Variants in FZD3 observed in about 807,000 individuals in gnomAD.
FZD3 encodes the protein frizzled-3.
FZD3 carries 30 observed loss-of-function variants against 60.7 expected under a neutral mutation model. The observed-to-expected ratio is 0.49, with a 90% CI of 0.37 to 0.67. The LOEUF is 0.67. Ranked by LOEUF, FZD3 falls within the 30% of genes least tolerant of loss-of-function variation. The probability of loss-of-function intolerance (pLI) is 0.00; values close to 1 mark genes in which losing one functional copy is unlikely to be tolerated. For synonymous variants in FZD3, 246 were observed against 275.2 expected (o/e 0.89, Z 1.05); for missense variants, 605 against 838.7 (o/e 0.72, Z 3.44).
At chr8:28,500,721 G>T (rs886400563) in intron 2 of FZD3, among the ~76,000 whole-genome samples, 15 of 152,002 alleles carry the variant, frequency 9.9e-5, no homozygotes, top group Non-Finnish European at 2.9e-5. Context: ...GCGCTGCATG[G>T]TAATTAAGAT....
intron 5 of FZD3, among the ~76,000 whole-genome samples, chr8:28,538,517 G>T (rs1374505711): frequency 1.3e-5 from 2 of 152,138 alleles, no homozygotes; most frequent in Non-Finnish European, 2.9e-5. Context: ...CATACAGTAA[G>T]TTACAGAGCT....
rs188741309 is a variant in FZD3, at chr8:28,517,396, C to T, written c.190-3242C>T. 3.4e-3 allele frequency among the ~76,000 whole-genome samples: 513 copies of T among 152,258 alleles called. 11 individuals are homozygous for T. Among genetic ancestry groups the T allele is most frequent in the South Asian group, 3.9e-3 (19 of 4,828 alleles). On this transcript the variant is annotated intron_variant, in intron 3 of 7. Coordinates refer to ENST00000240093, the MANE Select transcript of FZD3 (RefSeq NM_017412.4). ...GGTTTTCAACCGTTTAAATAAGATA[C>T]GCCTAGCTGAGGTTTTCTTGTATTT...
chr8:28,550,632 C>T (rs1189319585), intron 5 of FZD3, among the ~76,000 whole-genome samples: 1 of 151,838 alleles, frequency 6.6e-6, no homozygotes, highest in Admixed American at 6.6e-5. Context: ...CCTGGGACTA[C>T]AGGTGCCTGC....
chr8:28,562,220 T>C lies in FZD3; in HGVS notation c.1788-578T>C, dbSNP rs115791790. ...CCTGATGAGAAGTAATTAAGATAAT[T>C]TACAGGTAGTTAATTCAGTTGTTAA... On this transcript the variant is annotated intron_variant, in intron 7 of 7. Coordinates refer to ENST00000240093, the MANE Select transcript of FZD3 (RefSeq NM_017412.4). Among the ~76,000 whole-genome samples the C allele has an allele frequency of 8.7e-3, 1,325 of 152,304 alleles. 7 individuals are homozygous for C. Among genetic ancestry groups the C allele is most frequent in the African/African-American group, 0.019 (774 of 41,574 alleles).
Position 28,533,674 on chromosome 8 carries a change from A to C in FZD3, c.1404+5510A>C, listed in dbSNP as rs140391005. ...TCCCTGGGTTTTTGTTCTTCACAGA[A>C]AGGTCCCCTCACAAAGCTGATGGAA... On this transcript the variant is annotated intron_variant, in intron 5 of 7. Coordinates refer to ENST00000240093, the MANE Select transcript of FZD3 (RefSeq NM_017412.4). 2.4e-4 allele frequency among the ~76,000 whole-genome samples: 37 copies of C among 152,264 alleles called. No homozygotes were observed. In the East Asian group the frequency reaches 4.2e-3, roughly 17 times the overall value.
intron 7 of FZD3, among the ~76,000 whole-genome samples, chr8:28,561,090 C>T (rs982023976): frequency 6.6e-6 from 1 of 152,124 alleles, no homozygotes; most frequent in Non-Finnish European, 1.5e-5. Context: ...GAGTTTCGCT[C>T]TTGTCACCCA....
chr8:28,551,630 AT>A lies in FZD3; in HGVS notation c.1434del (p.Leu479SerfsTer3). ...TACTCAAATGAGTCGTCCAGACTTGATTCTCTTTCTGATGAAATACCTGATG... is the reference window on the plus strand; with the variant it reads ...TACTCAAATGAGTCGTCCAGACTTGATCTCTTTCTGATGAAATACCTGATG... ...QVTQMSRPDL[I>X]LFLMKYLMAL... On this transcript the variant is annotated frameshift_variant, in exon 6 of 8. Transcript: ENST00000240093. LOFTEE classifies it high-confidence loss of function. 6.2e-7 allele frequency: 1 copy of A among 1,610,386 alleles called. No homozygotes were observed. The highest frequency in any genetic ancestry group is 8.5e-7 in the Non-Finnish European group (1 of 1,177,126).
chr8:28,555,002 TTCA>T (rs1267035131), intron 6 of FZD3, among the ~76,000 whole-genome samples: 3 of 152,172 alleles, frequency 2.0e-5, no homozygotes, highest in Non-Finnish European at 4.4e-5. Flanking sequence ...TACTGCCTTG[TTCA>T]TCATCGTAAA....
In FZD3 at chr8:28,528,007, A is replaced by G; in HGVS notation, c.1247A>G (p.Lys416Arg). ...LEKENQDKLV[K>R]FMIRIGVFSI... ...AAGGAGAACCAAGATAAATTAGTGA[A>G]GTTTATGATCCGGATCGGTGTTTTC... Residue 416 changes from lysine to arginine, a missense_variant, in exon 5 of 8, where the codon AAG becomes AGG. Physicochemically the swap from Lys to Arg is conservative, Grantham distance 26. Transcript: ENST00000240093. 1 of 1,613,996 alleles carries G rather than the reference A, an allele frequency of 6.2e-7. No homozygotes were observed. The highest frequency in any genetic ancestry group is 1.1e-5 in the South Asian group (1 of 91,078).
intron 1 of FZD3, among the ~76,000 whole-genome samples, chr8:28,497,589 A>G (rs986088479): frequency 1.3e-5 from 2 of 152,226 alleles, no homozygotes; most frequent in Non-Finnish European, 2.9e-5. Flanking sequence ...TTACTTTGAA[A>G]CAACCTTTAG....
At chr8:28,546,605 C>T (rs998583990) in intron 5 of FZD3, among the ~76,000 whole-genome samples, 1 of 152,042 alleles carries the variant, frequency 6.6e-6, no homozygotes, top group Non-Finnish European at 1.5e-5. Flanking sequence ...AATGCCCCAC[C>T]CAGCACTTAT....
At chr8:28,530,129 G>GTC (rs1804828052) in intron 5 of FZD3, among the ~76,000 whole-genome samples, 1 of 118,440 alleles carries the variant, frequency 8.4e-6, no homozygotes, top group South Asian at 2.8e-4. Flanking sequence ...GTGTGTGTGT[G>GTC]TGTGTGTGTG....
At chr8:28,506,851 TA>T (rs1302175698) in intron 3 of FZD3, among the ~76,000 whole-genome samples, 1 of 152,126 alleles carries the variant, frequency 6.6e-6, no homozygotes, top group Non-Finnish European at 1.5e-5. Context: ...AGCTTTTTAC[TA>T]AAAAACTTTA....
intron 6 of FZD3, among the ~76,000 whole-genome samples, chr8:28,554,930 A>G (rs558184834): frequency 6.6e-6 from 1 of 152,238 alleles, no homozygotes; most frequent in East Asian, 1.9e-4. Context: ...TAAGTCCTTT[A>G]TTTACATAAT....
At position 28,522,767 on chromosome 8, in the gene FZD3, CTTTTTTTTTTT is replaced by C. The variant is rs35662589; in HGVS notation, c.386+1944_386+1954del. The stretch of plus-strand genomic sequence containing the variant: ...CTTAAATTCTGAAAAAGGGAACTTT[CTTTTTTTTTTT>C]TTTTTTTTTTGAGATGGAGTCTCGC... On this transcript the variant is annotated intron_variant, in intron 4 of 7. Coordinates refer to ENST00000240093, the MANE Select transcript of FZD3 (RefSeq NM_017412.4). 2.0e-4 allele frequency among the ~76,000 whole-genome samples: 19 copies of C among 96,858 alleles called. No individual in the cohort carries two copies. The East Asian group carries it at 3.4e-3, about 17-fold the overall frequency. The allele number at this position is 96,858 out of a possible 152,430, so 63.5% of individuals were successfully genotyped here.
At chr8:28,498,712 T>C (rs1803911438) in intron 1 of FZD3, among the ~76,000 whole-genome samples, 1 of 152,192 alleles carries the variant, frequency 6.6e-6, no homozygotes, top group Non-Finnish European at 1.5e-5. Flanking sequence ...TAGCTGGGCC[T>C]ACAGGCGCAT....
chr8:28,502,863 T>C lies in FZD3; in HGVS notation c.-151T>C, dbSNP rs1372393026. ...TTTTGTGAGACCAAGCTAACAAACC[T>C]CTGACGGTGCGAAGAGTATTTAACT... On this transcript the variant is annotated 5_prime_UTR_variant, in exon 3 of 8. Transcript: ENST00000240093. 1 of 461,326 alleles carries C rather than the reference T, an allele frequency of 2.2e-6. No individual in the cohort carries two copies. Among genetic ancestry groups the C allele is most frequent in the Admixed American group, 3.9e-5 (1 of 25,712 alleles). 28.6% of individuals were successfully genotyped at this position (461,326 alleles called of 1,614,324 possible). A position where few individuals can be genotyped will look rare whatever the true frequency, so the allele number is the denominator to read the frequency against.
intron 5 of FZD3, among the ~76,000 whole-genome samples, chr8:28,532,679 C>G (rs887108195): frequency 6.6e-6 from 1 of 151,820 alleles, no homozygotes; most frequent in Non-Finnish European, 1.5e-5. Flanking sequence ...TTTCTAAAGA[C>G]TGGGATTATA....
intron 1 of FZD3, among the ~76,000 whole-genome samples, chr8:28,498,072 A>T (rs186468545): frequency 6.6e-6 from 1 of 152,368 alleles, no homozygotes; most frequent in African/African-American, 2.4e-5. Context: ...GCTTTAAAGT[A>T]TCTAGTCCTT....
Sources: allele counts gnomAD v4.1 joint callset (sites outside exome capture counted in the v4.1 genomes callset), GRCh38; gene constraint gnomAD v4.1.1; transcripts MANE v1.5; gene names NCBI Gene and HGNC (gene_info 2026-07-23, HGNC 2026-07-21).